TNKS: variants seen among roughly 807,000 people sequenced by gnomAD.
TNKS encodes poly [ADP-ribose] polymerase tankyrase-1.
In TNKS, 72 loss-of-function variants were observed where a neutral mutation model predicts 135.8. The observed-to-expected ratio is 0.53, with a 90% confidence interval of 0.44 to 0.64. The LOEUF (loss-of-function observed/expected upper bound fraction) is 0.64. Ranked by LOEUF, TNKS falls within the 30% of genes least tolerant of loss-of-function variation. The probability of loss-of-function intolerance (pLI) is 0.00; values close to 1 mark genes in which losing one functional copy is unlikely to be tolerated. For missense variants in TNKS, 1,769 were observed against 1,674.0 expected (o/e 1.06, Z -0.99); for synonymous variants, 849 against 649.3 (o/e 1.31, Z -4.68).
At chr8:9,768,775 C>G (rs973007751) in intron 25 of TNKS, among the ~76,000 whole-genome samples, 2 of 152,222 alleles carry the variant, frequency 1.3e-5, no homozygotes, top group Non-Finnish European at 2.9e-5. Flanking sequence ...AAGCCTCCTT[C>G]TGATGGAGAG....
chr8:9,624,017 AAAC>A (rs570130310), intron 3 of TNKS, among the ~76,000 whole-genome samples: 24 of 139,234 alleles, frequency 1.7e-4, no homozygotes, highest in Admixed American at 8.0e-4. Context: ...AAAAAAGGAA[AAAC>A]AACAACAACA....
chr8:9,655,341 G>A (rs1801313276), intron 3 of TNKS, among the ~76,000 whole-genome samples: 1 of 152,214 alleles, frequency 6.6e-6, no homozygotes, highest in African/African-American at 2.4e-5. Flanking sequence ...ACAAAAGGCA[G>A]CAGAAACCCC....
intron 2 of TNKS, among the ~76,000 whole-genome samples, chr8:9,593,091 C>T (rs1049747898): frequency 6.6e-6 from 1 of 152,092 alleles, no homozygotes. Context: ...TGAATTGCCC[C>T]TCTTGGGAGC....
intron 11 of TNKS, among the ~76,000 whole-genome samples, chr8:9,716,201 C>T (rs986550772): frequency 6.6e-6 from 1 of 152,142 alleles, no homozygotes; most frequent in Non-Finnish European, 1.5e-5. Flanking sequence ...TTATTTCTCA[C>T]ATTTAGAAGC....
chr8:9,659,308 A>T (rs1413548131), intron 3 of TNKS, among the ~76,000 whole-genome samples: 1 of 152,208 alleles, frequency 6.6e-6, no homozygotes, highest in Non-Finnish European at 1.5e-5. Context: ...CACCACACCT[A>T]TTCCAAAATT....
rs748696651 is a variant in TNKS at position 9,704,646 on chromosome 8, A to AT, written c.1108-16dup. On this transcript the variant is annotated splice_polypyrimidine_tract_variant and intron_variant, in intron 5 of 26. Transcript: ENST00000310430. ...TTGTTTGTTTTTACCTGAAAAGGGG[A>AT]TGTTTTTCTTTTCTAGTCGACTCCT... 26 of 1,594,718 alleles carry AT rather than the reference A, an allele frequency of 1.6e-5. No individual in the cohort carries two copies. Among genetic ancestry groups the AT allele is most frequent in the Non-Finnish European group, 1.9e-5 (22 of 1,165,178 alleles).
At chr8:9,639,595 A>G (rs930904198) in intron 3 of TNKS, among the ~76,000 whole-genome samples, 1 of 151,790 alleles carries the variant, frequency 6.6e-6, no homozygotes, top group Non-Finnish European at 1.5e-5. Flanking sequence ...AGAGACTGTA[A>G]AATATATTTA....
intron 5 of TNKS, among the ~76,000 whole-genome samples, chr8:9,692,526 C>G (rs1803325771): frequency 6.6e-6 from 1 of 152,326 alleles, no homozygotes; most frequent in Middle Eastern, 3.4e-3. Flanking sequence ...GAGACTATAT[C>G]TGTCGTTAGA....
At chr8:9,765,584 C>G in intron 23 of TNKS, 108 bp from the exon 24 acceptor site, 1 of 868,820 alleles carries the variant, frequency 1.2e-6, no homozygotes, top group African/African-American at 1.7e-5. Context: ...TAAATTATGT[C>G]TTAAGCAAAA....
intron 18 of TNKS, among the ~76,000 whole-genome samples, chr8:9,751,277 TA>T (rs1806515548): frequency 6.6e-6 from 1 of 152,238 alleles, no homozygotes; most frequent in Admixed American, 6.5e-5. Context: ...AAGTGTGAAG[TA>T]AATAACCAGA....
chr8:9,669,430 A>G (rs913599534), intron 3 of TNKS, among the ~76,000 whole-genome samples: 1 of 151,334 alleles, frequency 6.6e-6, no homozygotes, highest in Non-Finnish European at 1.5e-5. Flanking sequence ...GCCTCAAAAA[A>G]AAAAAAAAAA....
chr8:9,634,336 G>T (rs1228051810), intron 3 of TNKS, among the ~76,000 whole-genome samples: 3 of 152,024 alleles, frequency 2.0e-5, no homozygotes, highest in Non-Finnish European at 4.4e-5. Context: ...AGAAATAAAT[G>T]AGCCACCTAT....
chr8:9,588,411 A>G (rs867262498), intron 2 of TNKS, among the ~76,000 whole-genome samples: 3 of 152,026 alleles, frequency 2.0e-5, no homozygotes, highest in South Asian at 2.1e-4. Flanking sequence ...AGTAGCTGGG[A>G]CTACAGGCAC....
intron 3 of TNKS, among the ~76,000 whole-genome samples, chr8:9,633,200 A>T (rs542896877): frequency 2.7e-4 from 41 of 152,210 alleles, no homozygotes; most frequent in Non-Finnish European, 5.6e-4. Flanking sequence ...TTCTCAGAGG[A>T]GTTTAATTCA....
intron 1 of TNKS, among the ~76,000 whole-genome samples, chr8:9,579,898 C>G (rs919033932): frequency 4.6e-5 from 7 of 152,288 alleles, no homozygotes; most frequent in African/African-American, 1.4e-4. Flanking sequence ...GTGTTTCTAG[C>G]ACTGTTGCAC....
intron 3 of TNKS, among the ~76,000 whole-genome samples, chr8:9,653,102 T>G (rs1801204856): frequency 6.6e-6 from 1 of 152,082 alleles, no homozygotes; most frequent in Non-Finnish European, 1.5e-5. Context: ...GTCATAAAGT[T>G]AGGGGAAGGG....
chr8:9,612,756 A>G (rs1799508702), intron 2 of TNKS, among the ~76,000 whole-genome samples: 1 of 152,178 alleles, frequency 6.6e-6, no homozygotes, highest in African/African-American at 2.4e-5. Context: ...CCGTTGAACA[A>G]CGTGCAGTTT....
intron 26 of TNKS, among the ~76,000 whole-genome samples, chr8:9,776,060 A>C (rs116470935): frequency 0.012 from 1,848 of 152,024 alleles, 14 homozygotes; most frequent in African/African-American, 0.023. Context: ...TGACTGCAAG[A>C]AAAAAGAGAA....
At chr8:9,577,042 A>G in intron 1 of TNKS, among the ~76,000 whole-genome samples, 1 of 152,198 alleles carries the variant, frequency 6.6e-6, no homozygotes, top group East Asian at 1.9e-4. Flanking sequence ...TAAGAGTTCA[A>G]CTGTATTCAT....
Sources: allele counts gnomAD v4.1 joint callset (sites outside exome capture counted in the v4.1 genomes callset), GRCh38; gene constraint gnomAD v4.1.1; transcripts MANE v1.5; gene names NCBI Gene and HGNC (gene_info 2026-07-23, HGNC 2026-07-21).